The following RANBP2 variants were observed in gnomAD, a reference collection of about 807,000 sequenced individuals.
RANBP2 encodes the protein RAN binding protein 2, also known as E3 SUMO-protein ligase RanBP2.
In RANBP2, 57 loss-of-function variants were observed where a neutral mutation model predicts 303.6. The ratio of observed to expected loss-of-function variants is 0.19; its 90% CI spans 0.15 to 0.23. The LOEUF (loss-of-function observed/expected upper bound fraction) is 0.23, where lower values mean the gene tolerates loss of function less well. RANBP2 is among the 10% of genes least tolerant of loss of function. The pLI is 1.00. For synonymous variants in RANBP2, 1,167 were observed against 1,301.5 expected, an observed-to-expected ratio of 0.90 and a Z score of 2.23; for missense variants, 3,138 against 3,780.8, an observed-to-expected ratio of 0.83 and a Z score of 4.46.
At chr2:109,565,741 A>C in the RANBP2 span, 1 of 1,578,852 alleles carries the variant, frequency 6.3e-7, no homozygotes, top group Non-Finnish European at 8.7e-7. Flanking sequence ...ACATATTTCT[A>C]GTCATCCTTT....
the RANBP2 span, among the ~76,000 whole-genome samples, chr2:109,053,747 C>G: frequency 6.6e-6 from 1 of 152,238 alleles, no homozygotes; most frequent in Non-Finnish European, 1.5e-5. Context: ...GGCTGCTGCT[C>G]TATAAACAGG....
the RANBP2 span, among the ~76,000 whole-genome samples, chr2:109,089,230 A>C: frequency 7.9e-3 from 1,202 of 152,258 alleles, 11 homozygotes; most frequent in East Asian, 0.036. Context: ...CATGAGAAAA[A>C]CATTCAAGGT....
At chr2:109,204,360 CCTTAT>C in the RANBP2 span, among the ~76,000 whole-genome samples, 5 of 152,176 alleles carry the variant, frequency 3.3e-5, no homozygotes, top group Non-Finnish European at 5.9e-5. Flanking sequence ...GCAGGAATCT[CCTTAT>C]CTTATCTTTT....
At position 108,753,418 on chromosome 2, in the gene RANBP2, GT is replaced by G. The variant is rs758248681; in HGVS notation, c.1918-7del. 7 of 1,611,522 alleles carry G rather than the reference GT, an allele frequency of 4.3e-6. No individual in the cohort carries two copies. In the African/African-American group the frequency reaches 9.4e-5, roughly 22 times the overall value. On this transcript the variant is annotated splice_polypyrimidine_tract_variant and splice_region_variant and intron_variant, in intron 13 of 28. Transcript: ENST00000283195. Reference sequence around the variant, plus strand: ...ACAATTTGACTAAAAACTATTCTGTGTGTTTAGGCATCAGAAATTGTTGAAT... The same window carrying G: ...ACAATTTGACTAAAAACTATTCTGTGGTTTAGGCATCAGAAATTGTTGAAT...
the RANBP2 span, among the ~76,000 whole-genome samples, chr2:109,720,201 C>T: frequency 3.3e-5 from 5 of 152,072 alleles, no homozygotes; most frequent in East Asian, 1.9e-4. Context: ...CACGCCTCCA[C>T]GCCCTTGTGT....
the RANBP2 span, among the ~76,000 whole-genome samples, chr2:108,934,775 C>T: frequency 6.6e-6 from 1 of 152,204 alleles, no homozygotes; most frequent in African/African-American, 2.4e-5. Context: ...AGGGCAGAGC[C>T]TCACGACCTC....
the RANBP2 span, among the ~76,000 whole-genome samples, chr2:109,345,356 A>G: frequency 6.6e-6 from 1 of 152,162 alleles, no homozygotes; most frequent in African/African-American, 2.4e-5. Context: ...GTGCTCAGAT[A>G]GCACGAGCCG....
rs753952418 is a variant in RANBP2, at chr2:108,765,508, G to A, written c.4969G>A (p.Gly1657Arg). Residue 1657 changes from glycine to arginine, a missense_variant, in exon 20 of 29, where the codon GGA becomes AGA. Gly to Arg is a moderately radical substitution (Grantham distance 125). Transcript: ENST00000283195. Reference protein sequence around the residue: ...SSETSKAPKSGFEGMFTKKEG... With the variant: ...SSETSKAPKSRFEGMFTKKEG... ...AGAGACAAGCAAGGCTCCAAAGAGC[G>A]GATTTGAGGGAATGTTCACTAAGAA... The A allele has an allele frequency of 3.2e-6, 5 of 1,564,340 alleles. No homozygotes were observed. In the African/African-American group the frequency reaches 5.1e-5, roughly 16 times the overall value.
At chr2:109,143,843 C>T in the RANBP2 span, among the ~76,000 whole-genome samples, 10 of 151,944 alleles carry the variant, frequency 6.6e-5, no homozygotes, top group African/African-American at 2.4e-4. Flanking sequence ...CGTATATACA[C>T]AAACAATGGA....
chr2:109,339,840 ACG>A, the RANBP2 span, among the ~76,000 whole-genome samples: 1 of 152,222 alleles, frequency 6.6e-6, no homozygotes, highest in Non-Finnish European at 1.5e-5. Flanking sequence ...TCCTGGCCCA[ACG>A]GATGACTGAC....
chr2:109,710,996 T>A, the RANBP2 span, among the ~76,000 whole-genome samples: 1 of 151,922 alleles, frequency 6.6e-6, no homozygotes, highest in African/African-American at 2.4e-5. Context: ...CTCCTCCCTA[T>A]GCCCTCTCTC....
the RANBP2 span, among the ~76,000 whole-genome samples, chr2:108,945,142 G>C: frequency 6.6e-6 from 1 of 152,158 alleles, no homozygotes; most frequent in Non-Finnish European, 1.5e-5. Context: ...CAGGAAGCTC[G>C]ATCCTGTGTG....
At chr2:109,402,597 C>G in the RANBP2 span, among the ~76,000 whole-genome samples, 5 of 152,354 alleles carry the variant, frequency 3.3e-5, no homozygotes, top group Admixed American at 2.6e-4. Flanking sequence ...GCAGCCAGTC[C>G]CCTGCCTCTC....
chr2:108,923,196 C>T, the RANBP2 span, among the ~76,000 whole-genome samples: 1 of 152,292 alleles, frequency 6.6e-6, no homozygotes, highest in South Asian at 2.1e-4. Flanking sequence ...ATGTGGCAAA[C>T]ATCCCTCCCT....
chr2:109,653,476 A>T, the RANBP2 span, among the ~76,000 whole-genome samples: 1 of 151,520 alleles, frequency 6.6e-6, no homozygotes, highest in Non-Finnish European at 1.5e-5. Flanking sequence ...GTCTGCTGGC[A>T]GTGCTGCTGG....
the RANBP2 span, among the ~76,000 whole-genome samples, chr2:109,237,393 A>C: frequency 1.3e-5 from 2 of 152,206 alleles, no homozygotes. Context: ...AGAGTATAAA[A>C]AAGTGCACAG....
chr2:109,436,230 A>G, the RANBP2 span, among the ~76,000 whole-genome samples: 491 of 152,312 alleles, frequency 3.2e-3, 4 homozygotes, highest in African/African-American at 0.011. Flanking sequence ...CCAAACCCCT[A>G]ACTCTGCCAT....
the RANBP2 span, among the ~76,000 whole-genome samples, chr2:108,862,126 A>C: frequency 6.8e-6 from 1 of 147,354 alleles, no homozygotes; most frequent in Admixed American, 6.8e-5. Flanking sequence ...GTGGTCAGTC[A>C]TAGAGTATGT....
intron 17 of RANBP2, among the ~76,000 whole-genome samples, chr2:108,757,498 G>A (rs1676404559): frequency 6.6e-6 from 1 of 152,052 alleles, no homozygotes; most frequent in African/African-American, 2.4e-5. Context: ...GAGTTTAAGT[G>A]CATTGGACGT....
Sources: allele counts gnomAD v4.1 joint callset (sites outside exome capture counted in the v4.1 genomes callset), GRCh38; gene constraint gnomAD v4.1.1; transcripts MANE v1.5; gene names NCBI Gene and HGNC (gene_info 2026-07-23, HGNC 2026-07-21).